Variants in CADM2 observed in about 807,000 individuals in gnomAD.
CADM2 encodes immunoglobulin superfamily member 4D.
A neutral mutation model predicts 49.8 loss-of-function variants in CADM2; 12 were observed. The ratio of observed to expected loss-of-function variants is 0.24; its 90% CI spans 0.15 to 0.39. The LOEUF (loss-of-function observed/expected upper bound fraction) is 0.39, where lower values mean the gene tolerates loss of function less well. CADM2 is among the 10% of genes least tolerant of loss of function. The pLI, the probability that CADM2 is intolerant of heterozygous loss-of-function variation, is 1.00. For missense variants in CADM2, 378 were observed against 492.3 expected (o/e 0.77, Z 2.20); for synonymous variants, 214 against 175.4 (o/e 1.22, Z -1.74).
At chr3:85,362,388 C>A (rs2032422132) in intron 1 of CADM2, among the ~76,000 whole-genome samples, 2 of 152,104 alleles carry the variant, frequency 1.3e-5, no homozygotes, top group Admixed American at 6.5e-5. Flanking sequence ...CATGAATAAT[C>A]AAATAACTGT....
At chr3:85,788,098 T>C (rs1170893997) in intron 2 of CADM2, among the ~76,000 whole-genome samples, 1 of 152,150 alleles carries the variant, frequency 6.6e-6, no homozygotes, top group Non-Finnish European at 1.5e-5. Flanking sequence ...CTGTTAGTTC[T>C]GGTGGGCAAG....
intron 2 of CADM2, among the ~76,000 whole-genome samples, chr3:85,749,990 T>C (rs1424732823): frequency 2.6e-5 from 4 of 152,070 alleles, no homozygotes; most frequent in Admixed American, 2.0e-4. Context: ...TGATCACGTG[T>C]ATGGTCAACT....
At chr3:85,184,233 G>C (rs111844605) in intron 1 of CADM2, among the ~76,000 whole-genome samples, 1 of 152,112 alleles carries the variant, frequency 6.6e-6, no homozygotes, top group African/African-American at 2.4e-5. Context: ...AACAGATTCA[G>C]TAGATTTGTG....
intron 1 of CADM2, among the ~76,000 whole-genome samples, chr3:85,705,323 T>C (rs1266928565): frequency 6.6e-6 from 1 of 152,004 alleles, no homozygotes; most frequent in East Asian, 1.9e-4. Flanking sequence ...TCATTAACAT[T>C]TTCATTGTAA....
intron 1 of CADM2, among the ~76,000 whole-genome samples, chr3:85,105,355 T>C (rs1255562156): frequency 6.6e-6 from 1 of 152,136 alleles, no homozygotes; most frequent in Non-Finnish European, 1.5e-5. Flanking sequence ...ATGCTCACCA[T>C]CACTGGCCAT....
At chr3:85,023,722 A>G (rs980259928) in intron 1 of CADM2, among the ~76,000 whole-genome samples, 13 of 152,130 alleles carry the variant, frequency 8.5e-5, no homozygotes, top group East Asian at 3.8e-4. Flanking sequence ...TCACTCCTAA[A>G]TAAAATACAT....
intron 1 of CADM2, among the ~76,000 whole-genome samples, chr3:85,210,641 A>G (rs1269967328): frequency 6.6e-6 from 1 of 152,058 alleles, no homozygotes; most frequent in Non-Finnish European, 1.5e-5. Flanking sequence ...TCCCAGGCTC[A>G]AGCCATCCTC....
intron 1 of CADM2, among the ~76,000 whole-genome samples, chr3:84,992,708 C>A (rs1441420694): frequency 1.3e-5 from 2 of 152,088 alleles, no homozygotes; most frequent in African/African-American, 4.8e-5. Flanking sequence ...ACTCTTAGTA[C>A]CTCAAATCGT....
chr3:85,945,130 T>G (rs934605579), intron 7 of CADM2, among the ~76,000 whole-genome samples: 1 of 152,038 alleles, frequency 6.6e-6, no homozygotes, highest in Non-Finnish European at 1.5e-5. Flanking sequence ...CAAACTACCA[T>G]CAGAGAATTC....
At chr3:85,744,309 G>A (rs2068521832) in intron 2 of CADM2, among the ~76,000 whole-genome samples, 1 of 151,816 alleles carries the variant, frequency 6.6e-6, no homozygotes, top group Non-Finnish European at 1.5e-5. Context: ...AGCACAATGG[G>A]GTAACTAAAT....
chr3:85,070,550 G>A (rs1183219271), intron 1 of CADM2, among the ~76,000 whole-genome samples: 5 of 150,722 alleles, frequency 3.3e-5, no homozygotes, highest in Non-Finnish European at 7.4e-5. Flanking sequence ...TTATTTCTAT[G>A]TGTGTAGAAA....
chr3:86,054,002 G>A (rs756803646), intron 8 of CADM2, among the ~76,000 whole-genome samples: 1 of 151,926 alleles, frequency 6.6e-6, no homozygotes, highest in African/African-American at 2.4e-5. Context: ...AAGGTAGAGG[G>A]AGGTTAAGTA....
At chr3:85,795,935 C>T (rs2071594180) in intron 2 of CADM2, among the ~76,000 whole-genome samples, 1 of 152,144 alleles carries the variant, frequency 6.6e-6, no homozygotes, top group Non-Finnish European at 1.5e-5. Flanking sequence ...TTTGTTTCAC[C>T]ATGGAAAAAT....
At chr3:85,705,022 C>T (rs1452716467) in intron 1 of CADM2, among the ~76,000 whole-genome samples, 2 of 141,686 alleles carry the variant, frequency 1.4e-5, no homozygotes, top group East Asian at 4.0e-4. Flanking sequence ...CCACGCCTGG[C>T]TAAATTTTTT....
At chr3:85,462,724 C>A (rs1559852471) in intron 1 of CADM2, among the ~76,000 whole-genome samples, 1 of 152,142 alleles carries the variant, frequency 6.6e-6, no homozygotes, top group Non-Finnish European at 1.5e-5. Flanking sequence ...GCCTAAAATA[C>A]TATTTACAAT....
chr3:85,345,053 C>T (rs191486059), intron 1 of CADM2, among the ~76,000 whole-genome samples: 28 of 152,092 alleles, frequency 1.8e-4, no homozygotes, highest in Non-Finnish European at 8.8e-5. Flanking sequence ...TAACCGGGCT[C>T]ATGCCGTAAT....
chr3:85,958,362 G>GT (rs1724326446), intron 7 of CADM2, among the ~76,000 whole-genome samples: 1 of 152,018 alleles, frequency 6.6e-6, no homozygotes. Context: ...ATGTAAATTA[G>GT]TTCAACCATT....
intron 1 of CADM2, among the ~76,000 whole-genome samples, chr3:85,111,533 G>A (rs536021177): frequency 6.6e-6 from 1 of 151,906 alleles, no homozygotes; most frequent in South Asian, 2.1e-4. Flanking sequence ...AACATCATAC[G>A]TTCTCACTTA....
intron 3 of CADM2, among the ~76,000 whole-genome samples, chr3:85,847,841 T>C (rs2074944243): frequency 6.6e-6 from 1 of 152,188 alleles, no homozygotes; most frequent in Non-Finnish European, 1.5e-5. Flanking sequence ...AATTATTTGC[T>C]ACTCAGAGAT....
Sources: gnomAD v4.1 joint callset for allele counts (sites outside exome capture counted in the v4.1 genomes callset) on GRCh38, gnomAD v4.1.1 for gene constraint, MANE v1.5 for transcripts, NCBI Gene and HGNC (gene_info 2026-07-23, HGNC 2026-07-21) for gene names.